The following LINGO2 variants were observed in gnomAD, a reference collection of about 807,000 sequenced individuals.
The protein encoded by LINGO2 is leucine rich repeat and Ig domain containing 2.
In LINGO2, 14 loss-of-function variants were observed where a neutral mutation model predicts 30.6. The ratio of observed to expected loss-of-function variants is 0.46; its 90% confidence interval spans 0.30 to 0.72. The LOEUF is 0.72. Ranked by LOEUF, LINGO2 falls within the 30% of genes least tolerant of loss-of-function variation. The pLI is 0.07. For synonymous variants in LINGO2, 317 were observed against 288.5 expected (o/e 1.10, Z -1.00); for missense variants, 729 against 751.7 (o/e 0.97, Z 0.35).
chr9:28,371,087 C>G (rs1564156033), intron 3 of LINGO2, among the ~76,000 whole-genome samples: 1 of 152,054 alleles, frequency 6.6e-6, no homozygotes, highest in Non-Finnish European at 1.5e-5. Context: ...AATTTGGGCC[C>G]CTTCACTCAA....
At chr9:27,996,804 T>C (rs1821688238) in intron 5 of LINGO2, among the ~76,000 whole-genome samples, 2 of 152,196 alleles carry the variant, frequency 1.3e-5, no homozygotes, top group Admixed American at 1.3e-4. Context: ...GTAGTGGATA[T>C]CCCAATTACC....
the LINGO2 span, among the ~76,000 whole-genome samples, chr9:29,172,809 G>T: frequency 1.6e-4 from 24 of 151,960 alleles, no homozygotes; most frequent in African/African-American, 5.3e-4. Flanking sequence ...GACCATCCAT[G>T]ACTTATTTAC....
chr9:28,691,046 A>T, the LINGO2 span, among the ~76,000 whole-genome samples: 1 of 152,172 alleles, frequency 6.6e-6, no homozygotes, highest in Admixed American at 6.5e-5. Flanking sequence ...CCAGCTCAAC[A>T]TCTGCTACAC....
At chr9:28,554,325 CA>C (rs1395461479) in intron 1 of LINGO2, among the ~76,000 whole-genome samples, 1 of 147,474 alleles carries the variant, frequency 6.8e-6, no homozygotes, top group Non-Finnish European at 1.5e-5. Context: ...CAATGGAAAA[CA>C]AAAAAAGGCA....
At chr9:29,122,681 C>G in the LINGO2 span, among the ~76,000 whole-genome samples, 1 of 152,038 alleles carries the variant, frequency 6.6e-6, no homozygotes, top group African/African-American at 2.4e-5. Context: ...GAGAAAATTT[C>G]AAAGGTGACT....
chr9:28,594,202 T>G (rs1476954183), intron 1 of LINGO2, among the ~76,000 whole-genome samples: 2 of 152,054 alleles, frequency 1.3e-5, no homozygotes, highest in African/African-American at 4.8e-5. Context: ...TGAAAAGACA[T>G]TTAAGGTTCT....
At chr9:27,955,004 A>T (rs915030646) in intron 5 of LINGO2, among the ~76,000 whole-genome samples, 1 of 152,170 alleles carries the variant, frequency 6.6e-6, no homozygotes, top group African/African-American at 2.4e-5. Flanking sequence ...ATGATTACTG[A>T]CGTTGAGCAT....
chr9:28,912,263 G>A, the LINGO2 span, among the ~76,000 whole-genome samples: 1 of 152,082 alleles, frequency 6.6e-6, no homozygotes, highest in East Asian at 1.9e-4. Context: ...CAAATGACTG[G>A]TGGTCAAGCA....
chr9:28,962,246 A>G, the LINGO2 span, among the ~76,000 whole-genome samples: 1 of 152,210 alleles, frequency 6.6e-6, no homozygotes, highest in African/African-American at 2.4e-5. Flanking sequence ...GTCAATCCTC[A>G]TGATAACCTT....
chr9:28,725,615 AAAT>A, the LINGO2 span, among the ~76,000 whole-genome samples: 2 of 151,918 alleles, frequency 1.3e-5, no homozygotes, highest in South Asian at 2.1e-4. Context: ...CAAGACATGA[AAAT>A]AATAACCACT....
chr9:28,063,447 A>T (rs72724962), intron 4 of LINGO2, among the ~76,000 whole-genome samples: 2 of 120,850 alleles, frequency 1.7e-5, no homozygotes, highest in Admixed American at 8.3e-5. Context: ...TTTTTTTTTT[A>T]AAGACAAGGT....
chr9:28,261,953 C>T (rs1174966660), intron 4 of LINGO2, among the ~76,000 whole-genome samples: 1 of 151,858 alleles, frequency 6.6e-6, no homozygotes, highest in African/African-American at 2.4e-5. Flanking sequence ...AATTACTTTC[C>T]TCCATCATCT....
chr9:28,317,294 C>T (rs934720205), intron 3 of LINGO2, among the ~76,000 whole-genome samples: 1 of 152,078 alleles, frequency 6.6e-6, no homozygotes, highest in Admixed American at 6.6e-5. Flanking sequence ...CTAGATTGAC[C>T]TTTCCTTGTT....
chr9:27,974,525 A>T (rs1336474789), intron 5 of LINGO2, among the ~76,000 whole-genome samples: 2 of 152,070 alleles, frequency 1.3e-5, no homozygotes, highest in Non-Finnish European at 2.9e-5. Flanking sequence ...CCCTCGAAGA[A>T]CCTGCAACAC....
chr9:28,825,178 C>A, the LINGO2 span, among the ~76,000 whole-genome samples: 1 of 151,980 alleles, frequency 6.6e-6, no homozygotes, highest in Non-Finnish European at 1.5e-5. Flanking sequence ...TTTTTCTTTT[C>A]TCGCCAATGC....
At chr9:28,609,152 A>C (rs1367526724) in intron 1 of LINGO2, among the ~76,000 whole-genome samples, 1 of 132,626 alleles carries the variant, frequency 7.5e-6, no homozygotes, top group Non-Finnish European at 1.6e-5. Context: ...TAATGAGCTA[A>C]AGAGTTTTTT....
At chr9:28,516,843 C>G (rs1370534435) in intron 1 of LINGO2, among the ~76,000 whole-genome samples, 1 of 152,108 alleles carries the variant, frequency 6.6e-6, no homozygotes, top group Non-Finnish European at 1.5e-5. Flanking sequence ...CTTCCTGTGC[C>G]AGACTCTATG....
chr9:27,969,815 G>C (rs902920419), intron 5 of LINGO2, among the ~76,000 whole-genome samples: 1 of 151,962 alleles, frequency 6.6e-6, no homozygotes, highest in African/African-American at 2.4e-5. Flanking sequence ...TGAGCTACTA[G>C]ATCAAGGTCA....
At chr9:28,775,514 CA>C in the LINGO2 span, among the ~76,000 whole-genome samples, 3 of 152,126 alleles carry the variant, frequency 2.0e-5, no homozygotes, top group Non-Finnish European at 4.4e-5. Context: ...GTTCCCTGGT[CA>C]ATTATGTTCT....
Sources: allele counts gnomAD v4.1 joint callset (sites outside exome capture counted in the v4.1 genomes callset), GRCh38; gene constraint gnomAD v4.1.1; transcripts MANE v1.5; gene names NCBI Gene and HGNC (gene_info 2026-07-23, HGNC 2026-07-21).